The following LIMK2 variants were observed in gnomAD, a reference collection of about 807,000 sequenced individuals.
LIMK2 encodes LIM domain kinase 2.
LIMK2 carries 35 observed loss-of-function variants against 75.7 expected under a neutral mutation model. The ratio of observed to expected loss-of-function variants is 0.46; its 90% CI spans 0.35 to 0.61. The LOEUF (loss-of-function observed/expected upper bound fraction) is 0.61, where lower values mean the gene tolerates loss of function less well. Among genes scored for constraint, LIMK2 ranks in the 20% least tolerant of loss-of-function variants. LIMK2 has a pLI of 0.00. For synonymous variants in LIMK2, 301 were observed against 319.2 expected, an observed-to-expected ratio of 0.94 and a Z score of 0.61; for missense variants, 623 against 831.0, an observed-to-expected ratio of 0.75 and a Z score of 3.08.
In LIMK2 at chr22:31,258,337, G is replaced by A. The variant is rs2048804999; in HGVS notation, c.163G>A (p.Asp55Asn). ...DSLTNWYYEKDGKLYCPKDYW... is the reference protein window; with the variant it reads ...DSLTNWYYEKNGKLYCPKDYW... ...CCTCACCAACTGGTACTATGAGAAG[G>A]ATGGGAAGCTCTACTGCCCCAAGGA... Residue 55 changes from aspartate to asparagine, a missense_variant, in exon 3 of 16, where the codon GAT becomes AAT. Around this residue, in one of 3 missense-constraint regions of LIMK2, gnomAD observed 514 missense variants for 661.3 expected, o/e 0.78. Coordinates refer to ENST00000331728, the MANE Select transcript of LIMK2 (RefSeq NM_005569.4). 6.2e-7 allele frequency: 1 copy of A among 1,613,686 alleles called. No homozygotes were observed. Among genetic ancestry groups the A allele is most frequent in the Non-Finnish European group, 8.5e-7 (1 of 1,179,680 alleles).
At position 31,212,402 on chromosome 22, in the gene LIMK2, C is replaced by T. The variant is rs905661199; in HGVS notation, c.-7C>T. 3.0e-6 allele frequency: 4 copies of T among 1,339,390 alleles called. No homozygotes were observed. The highest frequency in any genetic ancestry group is 1.5e-5 in the African/African-American group (1 of 66,966). The allele number at this position is 1,339,390 out of a possible 1,614,324, so 83.0% of individuals were successfully genotyped here. On this transcript the variant is annotated 5_prime_UTR_variant, in exon 1 of 16. Transcript: ENST00000331728. ...CTCCTCCTCCCCATTTCCGCGCTCCCGGGACCATGTCCGCGCTGGCGGGTA... is the reference window on the plus strand; with the variant it reads ...CTCCTCCTCCCCATTTCCGCGCTCCTGGGACCATGTCCGCGCTGGCGGGTA...
At chr22:31,238,720 T>G (rs1272897277) in intron 2 of LIMK2, among the ~76,000 whole-genome samples, 2 of 152,226 alleles carry the variant, frequency 1.3e-5, no homozygotes, top group East Asian at 3.8e-4. Flanking sequence ...TTTGCTCACC[T>G]AACTCCTTCC....
intron 2 of LIMK2, among the ~76,000 whole-genome samples, chr22:31,229,858 G>A (rs1038932501): frequency 2.0e-5 from 3 of 152,080 alleles, no homozygotes; most frequent in African/African-American, 7.2e-5. Flanking sequence ...ACTTAAAGCT[G>A]GAACCTCAGA....
chr22:31,215,684 A>G (rs2048383802), intron 1 of LIMK2, among the ~76,000 whole-genome samples: 1 of 152,120 alleles, frequency 6.6e-6, no homozygotes, highest in Non-Finnish European at 1.5e-5. Context: ...CCTCTGAGAA[A>G]CTTACTGTCT....
intron 2 of LIMK2, among the ~76,000 whole-genome samples, chr22:31,234,688 T>C (rs951412906): frequency 7.7e-6 from 1 of 130,082 alleles, no homozygotes; most frequent in South Asian, 2.3e-4. Context: ...GCCACTGCAC[T>C]CCAGCCTGGT....
intron 14 of LIMK2, among the ~76,000 whole-genome samples, chr22:31,273,720 T>C (rs1007683915): frequency 1.3e-5 from 2 of 152,234 alleles, no homozygotes; most frequent in African/African-American, 4.8e-5. Context: ...TTGTTTTAGA[T>C]GGAGCCTCAC....
chr22:31,227,365 T>C (rs1045769881), intron 2 of LIMK2, among the ~76,000 whole-genome samples: 2 of 152,240 alleles, frequency 1.3e-5, no homozygotes, highest in Non-Finnish European at 2.9e-5. Context: ...TACCAAGTAA[T>C]TGAGTTGACC....
chr22:31,267,643 C>T (rs1047806795), intron 9 of LIMK2, 133 bp from the exon 10 acceptor site: 1 of 945,374 alleles, frequency 1.1e-6, no homozygotes, highest in Non-Finnish European at 1.6e-6. Context: ...GATCTTAGTG[C>T]CCTGTCATAT....
chr22:31,257,486 A>C (rs1428021134), intron 2 of LIMK2, among the ~76,000 whole-genome samples: 2 of 152,170 alleles, frequency 1.3e-5, no homozygotes, highest in African/African-American at 4.8e-5. Flanking sequence ...TCTGCTAAGA[A>C]TTCTCCTATA....
At chr22:31,273,592 G>A in intron 14 of LIMK2, 85 bp downstream of exon 14, 1 of 1,068,988 alleles carries the variant, frequency 9.4e-7, no homozygotes, top group Non-Finnish European at 1.5e-6. Flanking sequence ...TCCTCCTAGG[G>A]ATGACTAGCT....
In LIMK2 at chr22:31,278,371, C is replaced by T; in HGVS notation, c.1847C>T (p.Pro616Leu). The part of the protein sequence containing the change: ...LYLGELGIPL[P>L]AELEELDHTV... ...CTGGGGGAGCTGGGCATCCCGCTGC[C>T]TGCAGAGCTGGAGGAGTTGGACCAC... is the stretch of plus-strand genomic sequence containing the variant. Residue 616 changes from proline to leucine, a missense_variant, in exon 16 of 16, where the codon CCT (proline) becomes CTT (leucine). Physicochemically the swap from Pro to Leu is moderately conservative, Grantham distance 98. Around this residue, in one of 3 missense-constraint regions of LIMK2, gnomAD observed 46 missense variants for 46.9 expected, o/e 0.98. Transcript: ENST00000331728. 6.2e-7 allele frequency: 1 copy of T among 1,614,010 alleles called. No homozygotes were observed. Among genetic ancestry groups the T allele is most frequent in the East Asian group, 2.2e-5 (1 of 44,878 alleles).
At position 31,249,820 on chromosome 22, in the gene LIMK2, A is replaced by C. The variant is rs1396154463; in HGVS notation, c.117-8471A>C. On this transcript the variant is annotated intron_variant, in intron 2 of 15. Coordinates refer to ENST00000331728, the MANE Select transcript of LIMK2 (RefSeq NM_005569.4). ...ACCGGACCCTGGTAGATTGCTGGGAAGTGTCTGGACAGGGGGAAGGGGGAA... is the reference window on the plus strand; with the variant it reads ...ACCGGACCCTGGTAGATTGCTGGGACGTGTCTGGACAGGGGGAAGGGGGAA... 3.3e-5 allele frequency among the ~76,000 whole-genome samples: 5 copies of C among 152,128 alleles called. No individual in the cohort carries two copies. The East Asian group carries it at 9.6e-4, about 29-fold the overall frequency.
intron 11 of LIMK2, among the ~76,000 whole-genome samples, chr22:31,268,482 A>G (rs2048919712): frequency 6.6e-6 from 1 of 152,198 alleles, no homozygotes; most frequent in Non-Finnish European, 1.5e-5. Flanking sequence ...GCTTGCCATC[A>G]CAGGTATTCA....
At chr22:31,240,081 C>G (rs922586878) in intron 2 of LIMK2, among the ~76,000 whole-genome samples, 1 of 152,164 alleles carries the variant, frequency 6.6e-6, no homozygotes, top group Admixed American at 6.5e-5. Context: ...ATTTTTCCCC[C>G]AAAAGCTAGA....
In LIMK2 at chr22:31,278,328, G is replaced by A; in HGVS notation, c.1804G>A (p.Glu602Lys). The A allele has an allele frequency of 1.2e-6, 2 of 1,613,426 alleles. No individual in the cohort carries two copies. The highest frequency in any genetic ancestry group is 1.7e-6 in the Non-Finnish European group (2 of 1,179,776). ...PAFSKLEDSF[E>K]ALSLYLGELG... ...ATTCTCGAAATTGGAGGACTCCTTT[G>A]AGGCCCTCTCCCTGTACCTGGGGGA... is the stretch of plus-strand genomic sequence containing the variant. Residue 602 changes from glutamate to lysine, a missense_variant, in exon 16 of 16, where the codon GAG (glutamate) becomes AAG (lysine). Glu to Lys is a moderately conservative substitution (Grantham distance 56, BLOSUM62 1). This residue lies in a region of LIMK2 where 46 missense variants were observed against 46.9 expected (regional missense o/e 0.98). Coordinates refer to ENST00000331728, the MANE Select transcript of LIMK2 (RefSeq NM_005569.4).
chr22:31,225,972 C>T (rs917312237), intron 2 of LIMK2, among the ~76,000 whole-genome samples, 153 bp downstream of exon 2: 4 of 152,146 alleles, frequency 2.6e-5, no homozygotes, highest in African/African-American at 9.7e-5. Flanking sequence ...CATGACCAAA[C>T]CTCAAGTGTG....
chr22:31,260,962 A>C (rs1371151025), intron 5 of LIMK2, among the ~76,000 whole-genome samples: 1 of 152,182 alleles, frequency 6.6e-6, no homozygotes, highest in Non-Finnish European at 1.5e-5. Context: ...TTTTAGAAGG[A>C]TCACTGGTAT....
chr22:31,242,898 G>A (rs1359959150), intron 2 of LIMK2, among the ~76,000 whole-genome samples: 2 of 152,176 alleles, frequency 1.3e-5, no homozygotes, highest in Non-Finnish European at 2.9e-5. Flanking sequence ...TCATAACCCT[G>A]TGAAGCTGGG....
At chr22:31,277,619 A>G in intron 15 of LIMK2, 1 of 840,432 alleles carries the variant, frequency 1.2e-6, no homozygotes, top group Non-Finnish European at 1.4e-6. Flanking sequence ...TAATTTATTA[A>G]AAAATATATA....
Sources: gnomAD v4.1 joint callset for allele counts (sites outside exome capture counted in the v4.1 genomes callset) on GRCh38, gnomAD v4.1.1 for gene constraint, gnomAD v4.1.1 regional missense constraint, MANE v1.5 for transcripts, NCBI Gene and HGNC (gene_info 2026-07-23, HGNC 2026-07-21) for gene names.